SLC4A5: variants seen among roughly 807,000 people sequenced by gnomAD.
SLC4A5 encodes electrogenic sodium bicarbonate cotransporter 4.
In SLC4A5, 96 loss-of-function variants were observed where a neutral mutation model predicts 120.4. The observed-to-expected ratio is 0.80, with a 90% CI of 0.68 to 0.94. The LOEUF (loss-of-function observed/expected upper bound fraction) is 0.94, where lower values mean the gene tolerates loss of function less well. Ranked by LOEUF, SLC4A5 falls within the 40% of genes least tolerant of loss-of-function variation. SLC4A5 has a pLI of 0.00. For synonymous variants in SLC4A5, 550 were observed against 571.1 expected, an observed-to-expected ratio of 0.96 and a Z score of 0.53; for missense variants, 1,259 against 1,459.5, an observed-to-expected ratio of 0.86 and a Z score of 2.24.
At chr2:74,259,105 T>G (rs1671056674) in intron 12 of SLC4A5, among the ~76,000 whole-genome samples, 1 of 152,174 alleles carries the variant, frequency 6.6e-6, no homozygotes, top group African/African-American at 2.4e-5. Flanking sequence ...AATTCTGATC[T>G]CATCACGAGG....
chr2:74,317,455 A>G (rs1324860668), intron 5 of SLC4A5, among the ~76,000 whole-genome samples: 4 of 152,318 alleles, frequency 2.6e-5, no homozygotes, highest in African/African-American at 7.2e-5. Context: ...GGCAATAGGG[A>G]TATCTCAAGA....
rs533887240 is a variant in SLC4A5 at position 74,220,269 on chromosome 2, T to G, written c.*33+1165A>C. Among the ~76,000 whole-genome samples the G allele has an allele frequency of 5.1e-4, 78 of 152,298 alleles. 1 individual carries two copies. Among genetic ancestry groups the G allele is most frequent in the African/African-American group, 1.7e-3 (72 of 41,522 alleles). ...CTTCTCATGAAGAACAATCACATTG[T>G]TGGCATGGGGGCTCCTGGCAACTGG... is the stretch of plus-strand genomic sequence containing the variant. On this transcript the variant is annotated intron_variant, in intron 30 of 30. Coordinates refer to ENST00000394019, the Ensembl canonical transcript of SLC4A5.
chr2:74,265,011 G>A (rs546216119), intron 9 of SLC4A5, 93 bp downstream of exon 9: 58 of 1,406,530 alleles, frequency 4.1e-5, no homozygotes, highest in East Asian at 2.8e-4. Flanking sequence ...GAGACGGGCC[G>A]TCACACAGAC....
At chr2:74,247,451 C>T in intron 18 of SLC4A5, 144 bp from the exon 19 acceptor site, 2 of 830,586 alleles carry the variant, frequency 2.4e-6, no homozygotes, top group Non-Finnish European at 3.7e-6. Context: ...GGGACAGGGA[C>T]AATTCTTGGG....
chr2:74,299,351 CAATA>C (rs1460327164), intron 7 of SLC4A5, among the ~76,000 whole-genome samples: 1 of 152,128 alleles, frequency 6.6e-6, no homozygotes, highest in Non-Finnish European at 1.5e-5. Context: ...AACTCCATCT[CAATA>C]AATAAATAAA....
intron 4 of SLC4A5, among the ~76,000 whole-genome samples, chr2:74,331,206 G>T (rs1351263190): frequency 6.6e-6 from 1 of 151,408 alleles, no homozygotes; most frequent in African/African-American, 2.4e-5. Flanking sequence ...TGGTTTAGGT[G>T]TGGGTGGTGA....
chr2:74,326,472 C>T (rs1673218906), intron 5 of SLC4A5, among the ~76,000 whole-genome samples: 2 of 152,202 alleles, frequency 1.3e-5, no homozygotes, highest in Non-Finnish European at 2.9e-5. Flanking sequence ...ATTGCCCCTA[C>T]CACTAGCCTG....
At chr2:74,313,137 T>G (rs925732817) in intron 6 of SLC4A5, among the ~76,000 whole-genome samples, 3 of 151,548 alleles carry the variant, frequency 2.0e-5, no homozygotes, top group Non-Finnish European at 4.4e-5. Flanking sequence ...CTCCTGCCTC[T>G]GTCTCCTGGG....
intron 19 of SLC4A5, 151 bp downstream of exon 19, chr2:74,246,885 T>G: frequency 9.8e-7 from 1 of 1,021,676 alleles, no homozygotes; most frequent in South Asian, 1.6e-5. Flanking sequence ...TTCCAAACAC[T>G]GGGTTCAAGA....
intron 6 of SLC4A5, chr2:74,308,088 C>T: frequency 2.2e-6 from 1 of 460,530 alleles, no homozygotes; most frequent in East Asian, 5.6e-5. Context: ...GAACAATATT[C>T]CACCGATCAA....
chr2:74,315,639 T>C (rs1009446286), intron 5 of SLC4A5, among the ~76,000 whole-genome samples: 3 of 150,296 alleles, frequency 2.0e-5, no homozygotes, highest in Non-Finnish European at 4.4e-5. Flanking sequence ...ATATTATGCA[T>C]ATATATATGC....
chr2:74,238,698 A>AT (rs756585342), intron 21 of SLC4A5, among the ~76,000 whole-genome samples: 2 of 152,242 alleles, frequency 1.3e-5, no homozygotes, highest in Non-Finnish European at 2.9e-5. Flanking sequence ...ATCAGAATCA[A>AT]TTCTGATGGA....
In SLC4A5 at chr2:74,275,161, G is replaced by A. The variant is rs144968115; in HGVS notation, c.402-9897C>T. ...CCTTCCCAGACAGTGATGAACTGCA[G>A]TGGCACAGCTGGTGGTGATGGGGCA... On this transcript the variant is annotated intron_variant, in intron 8 of 30. Coordinates refer to ENST00000394019, the Ensembl canonical transcript of SLC4A5. Among the ~76,000 whole-genome samples, 13 of 152,300 alleles carry A rather than the reference G, an allele frequency of 8.5e-5. No homozygotes were observed. In the East Asian group the frequency reaches 2.3e-3, roughly 27 times the overall value.
intron 8 of SLC4A5, among the ~76,000 whole-genome samples, chr2:74,275,739 C>T (rs1671617917): frequency 1.3e-5 from 2 of 152,254 alleles, no homozygotes; most frequent in Non-Finnish European, 2.9e-5. Flanking sequence ...TTTCTATGTG[C>T]CAGGCACTAT....
At chr2:74,319,397 T>C (rs1212078685) in intron 5 of SLC4A5, 1 of 152,212 alleles carries the variant, frequency 6.6e-6, no homozygotes, top group Non-Finnish European at 1.5e-5. Flanking sequence ...ACTATGTAGC[T>C]GGTGCTCGCT....
intron 7 of SLC4A5, among the ~76,000 whole-genome samples, chr2:74,302,417 G>C (rs1055053978): frequency 2.0e-5 from 3 of 152,182 alleles, no homozygotes; most frequent in African/African-American, 7.2e-5. Flanking sequence ...AGGAGTTCGA[G>C]ACCAGCCTGC....
intron 20 of SLC4A5, among the ~76,000 whole-genome samples, chr2:74,240,597 T>G (rs911209893): frequency 2.0e-5 from 3 of 151,960 alleles, no homozygotes; most frequent in African/African-American, 7.3e-5. Flanking sequence ...AGTGAGACCT[T>G]GTCTCTACAA....
chr2:74,244,490 CT>C (rs1318169161), intron 19 of SLC4A5, among the ~76,000 whole-genome samples: 10 of 117,464 alleles, frequency 8.5e-5, no homozygotes, highest in African/African-American at 2.6e-4. Flanking sequence ...TCTCCTTTCT[CT>C]CTCCCTTCCT....
intron 7 of SLC4A5, among the ~76,000 whole-genome samples, chr2:74,299,291 C>T (rs1460395358): frequency 1.3e-5 from 2 of 152,136 alleles, no homozygotes; most frequent in Non-Finnish European, 2.9e-5. Flanking sequence ...GCAGAGGTTG[C>T]GGTGAGCTGA....
Sources: allele counts gnomAD v4.1 joint callset (sites outside exome capture counted in the v4.1 genomes callset), GRCh38; gene constraint gnomAD v4.1.1; transcripts MANE v1.5; gene names NCBI Gene and HGNC (gene_info 2026-07-23, HGNC 2026-07-21).